The following PTPRD variants were observed in gnomAD, a reference collection of about 807,000 sequenced individuals.
The protein encoded by PTPRD is receptor-type tyrosine-protein phosphatase delta.
In PTPRD, 34 loss-of-function variants were observed where a neutral mutation model predicts 214.5. The observed-to-expected ratio is 0.16, with a 90% CI of 0.12 to 0.21. The LOEUF is 0.21. PTPRD is among the 10% of genes least tolerant of loss of function. The pLI, the probability that PTPRD is intolerant of heterozygous loss-of-function variation, is 1.00. For synonymous variants in PTPRD, 1,128 were observed against 845.7 expected, an observed-to-expected ratio of 1.33 and a Z score of -5.79; for missense variants, 2,545 against 2,398.7, an observed-to-expected ratio of 1.06 and a Z score of -1.27.
intron 3 of PTPRD, among the ~76,000 whole-genome samples, chr9:10,156,708 G>A (rs1384075713): frequency 2.0e-5 from 3 of 152,152 alleles, no homozygotes; most frequent in Admixed American, 1.3e-4. Context: ...CTGCCTCAGT[G>A]TTCTGTCTAA....
intron 9 of PTPRD, among the ~76,000 whole-genome samples, chr9:9,370,907 A>G (rs1180168290): frequency 6.6e-6 from 1 of 152,028 alleles, no homozygotes; most frequent in Non-Finnish European, 1.5e-5. Flanking sequence ...TATATGCTGG[A>G]TTACATTTAT....
At chr9:9,425,266 C>A (rs1174353631) in intron 8 of PTPRD, among the ~76,000 whole-genome samples, 2 of 151,798 alleles carry the variant, frequency 1.3e-5, no homozygotes, top group Non-Finnish European at 2.9e-5. Flanking sequence ...ATATGCTGAG[C>A]CTGGCCCAGT....
At chr9:10,544,184 A>G (rs2059724033) in intron 2 of PTPRD, among the ~76,000 whole-genome samples, 1 of 152,168 alleles carries the variant, frequency 6.6e-6, no homozygotes. Context: ...TGAGATAAAC[A>G]TATCTTTATA....
At chr9:9,986,799 A>G (rs1013968772) in intron 4 of PTPRD, among the ~76,000 whole-genome samples, 6 of 152,176 alleles carry the variant, frequency 3.9e-5, no homozygotes, top group Non-Finnish European at 7.4e-5. Flanking sequence ...TAGAGTTTCA[A>G]TAATACAAGA....
At chr9:8,503,066 T>G (rs1374031616) in intron 23 of PTPRD, among the ~76,000 whole-genome samples, 2 of 151,974 alleles carry the variant, frequency 1.3e-5, no homozygotes, top group Non-Finnish European at 2.9e-5. Context: ...GAAAGAAAAT[T>G]TTATGGGAAT....
intron 10 of PTPRD, among the ~76,000 whole-genome samples, chr9:9,108,763 A>G (rs2099802201): frequency 6.6e-6 from 1 of 152,184 alleles, no homozygotes; most frequent in African/African-American, 2.4e-5. Context: ...GTGAGCAGTA[A>G]TCATCTCTGC....
intron 11 of PTPRD, among the ~76,000 whole-genome samples, chr9:8,872,871 A>G (rs763854927): frequency 6.6e-6 from 1 of 152,210 alleles, no homozygotes; most frequent in Non-Finnish European, 1.5e-5. Flanking sequence ...GGACCCAAAC[A>G]ATCCCTGGCA....
intron 3 of PTPRD, among the ~76,000 whole-genome samples, chr9:10,074,037 A>C (rs2098085816): frequency 6.6e-6 from 1 of 152,142 alleles, no homozygotes; most frequent in Admixed American, 6.6e-5. Flanking sequence ...TCACCAAATA[A>C]ATATGCTCCA....
intron 8 of PTPRD, among the ~76,000 whole-genome samples, chr9:9,493,718 G>A (rs988641199): frequency 4.1e-5 from 6 of 146,820 alleles, no homozygotes; most frequent in African/African-American, 1.3e-4. Context: ...AACCCAGGAG[G>A]CAGAGCTTGC....
At chr9:9,934,214 G>C (rs980410224) in intron 5 of PTPRD, among the ~76,000 whole-genome samples, 1 of 147,644 alleles carries the variant, frequency 6.8e-6, no homozygotes, top group African/African-American at 2.6e-5. Flanking sequence ...CAGAAGGCAA[G>C]AAATAAGTAA....
At chr9:10,371,156 A>G (rs1327426552) in intron 2 of PTPRD, among the ~76,000 whole-genome samples, 1 of 151,840 alleles carries the variant, frequency 6.6e-6, no homozygotes, top group Non-Finnish European at 1.5e-5. Flanking sequence ...TTATAGGCTT[A>G]TGCTCTTATT....
At chr9:9,416,686 T>C (rs1350739032) in intron 8 of PTPRD, among the ~76,000 whole-genome samples, 1 of 152,178 alleles carries the variant, frequency 6.6e-6, no homozygotes, top group African/African-American at 2.4e-5. Flanking sequence ...AGAATATCTG[T>C]CTTCCATGAC....
intron 11 of PTPRD, among the ~76,000 whole-genome samples, chr9:9,005,159 C>T (rs949202846): frequency 2.0e-5 from 3 of 152,022 alleles, no homozygotes; most frequent in African/African-American, 7.2e-5. Flanking sequence ...GCTCAACTAG[C>T]TTAGAGGAGC....
chr9:9,044,709 C>A (rs577223037), intron 10 of PTPRD, among the ~76,000 whole-genome samples: 8 of 152,158 alleles, frequency 5.3e-5, no homozygotes, highest in Non-Finnish European at 1.0e-4. Flanking sequence ...TCATTTTCTG[C>A]TTAAGGAGAA....
intron 3 of PTPRD, among the ~76,000 whole-genome samples, chr9:10,273,856 T>C (rs776277784): frequency 6.6e-6 from 1 of 152,148 alleles, no homozygotes; most frequent in African/African-American, 2.4e-5. Flanking sequence ...ATTGAGATAA[T>C]AGAGCATTTT....
intron 2 of PTPRD, among the ~76,000 whole-genome samples, chr9:10,518,451 G>A (rs961957863): frequency 6.6e-6 from 1 of 151,986 alleles, no homozygotes; most frequent in African/African-American, 2.4e-5. Context: ...AAATAAAGAT[G>A]TTTCATTCCA....
intron 39 of PTPRD, among the ~76,000 whole-genome samples, chr9:8,370,810 G>A (rs972714713): frequency 2.0e-5 from 3 of 152,028 alleles, no homozygotes; most frequent in Admixed American, 1.3e-4. Context: ...GATTTATAGG[G>A]CCATGCAACA....
chr9:8,967,966 A>G (rs1391031804), intron 11 of PTPRD, among the ~76,000 whole-genome samples: 4 of 151,760 alleles, frequency 2.6e-5, no homozygotes, highest in East Asian at 3.9e-4. Flanking sequence ...AAGTGTTCTC[A>G]TTGTTCAATT....
chr9:8,916,368 C>T (rs562540013), intron 11 of PTPRD, among the ~76,000 whole-genome samples: 12 of 152,088 alleles, frequency 7.9e-5, no homozygotes, highest in African/African-American at 2.9e-4. Flanking sequence ...ACCCTGCCAA[C>T]AAATCTGAAA....
Sources: gnomAD v4.1 joint callset for allele counts (sites outside exome capture counted in the v4.1 genomes callset) on GRCh38, gnomAD v4.1.1 for gene constraint, MANE v1.5 for transcripts, NCBI Gene and HGNC (gene_info 2026-07-23, HGNC 2026-07-21) for gene names.